Variants in BRINP1 observed in about 807,000 individuals in gnomAD.
BRINP1 encodes the protein BMP/retinoic acid inducible neural specific 1.
BRINP1 carries 17 observed loss-of-function variants against 72.9 expected under a neutral mutation model. The observed-to-expected ratio is 0.23, with a 90% CI of 0.16 to 0.35. The LOEUF is 0.35. BRINP1 is among the 10% of genes least tolerant of loss of function. The pLI is 1.00. For synonymous variants in BRINP1, 418 were observed against 378.5 expected (o/e 1.10, Z -1.21); for missense variants, 850 against 1,001.6 (o/e 0.85, Z 2.04).
intron 2 of BRINP1, among the ~76,000 whole-genome samples, chr9:119,278,213 C>G (rs574577797): frequency 6.6e-5 from 10 of 152,288 alleles, no homozygotes; most frequent in African/African-American, 2.4e-4. Context: ...TTCAGAACCT[C>G]TGACTTCCTG....
At position 119,238,722 on chromosome 9, in the gene BRINP1, G is replaced by C. The variant is rs2274157; in HGVS notation, c.618C>G (p.Ser206Arg). The C allele has an allele frequency of 1.2e-6, 2 of 1,608,534 alleles. No individual in the cohort carries two copies. The highest frequency in any genetic ancestry group is 1.7e-6 in the Non-Finnish European group (2 of 1,177,180). ...ETRTGPLGCN[S>R]YDNLDSVSSV... The stretch of plus-strand genomic sequence containing the variant: ...AACTCACAGAGTCCAGATTGTCATA[G>C]CTGTTACAGCCCAGAGGCCCAGTGC... The change falls in exon 5 of 8, where the codon AGC becomes AGG. Residue 206 changes from serine to arginine, a missense_variant. Physicochemically the swap from Ser to Arg is moderately radical, Grantham distance 110. Coordinates refer to ENST00000265922, the MANE Select transcript of BRINP1 (RefSeq NM_014618.3).
At position 119,270,273 on chromosome 9, in the gene BRINP1, T is replaced by C. The variant is rs548324773; in HGVS notation, c.219-21123A>G. Among the ~76,000 whole-genome samples the C allele has an allele frequency of 2.6e-4, 39 of 152,278 alleles. 1 individual carries two copies. The South Asian group carries it at 7.9e-3, about 31-fold the overall frequency. ...ACTGTAAAGATGTTGGGTTTTGCTA[T>C]GAAATAAATGGAAGCCATTTGCAGG... is the stretch of plus-strand genomic sequence containing the variant. On this transcript the variant is annotated intron_variant, in intron 2 of 7. Transcript: ENST00000265922.
intron 2 of BRINP1, among the ~76,000 whole-genome samples, chr9:119,262,312 A>G (rs1478286826): frequency 6.6e-6 from 1 of 152,020 alleles, no homozygotes; most frequent in Non-Finnish European, 1.5e-5. Context: ...CTGTATTTTA[A>G]GCAAGATTCT....
chr9:119,312,584 A>G (rs1243536472), intron 2 of BRINP1, among the ~76,000 whole-genome samples: 2 of 152,220 alleles, frequency 1.3e-5, no homozygotes, highest in East Asian at 3.8e-4. Flanking sequence ...ACGGTCCAAG[A>G]ACCAGTACAG....
chr9:119,254,391 AG>A (rs1830424780), intron 2 of BRINP1, among the ~76,000 whole-genome samples: 1 of 152,164 alleles, frequency 6.6e-6, no homozygotes, highest in Admixed American at 6.5e-5. Flanking sequence ...GAAGGAAATG[AG>A]GGAGGGACCA....
intron 2 of BRINP1, among the ~76,000 whole-genome samples, chr9:119,278,812 C>T (rs1298106172): frequency 6.6e-6 from 1 of 152,092 alleles, no homozygotes; most frequent in Admixed American, 6.6e-5. Flanking sequence ...GGCTTGAATC[C>T]AGGAGGCAGA....
Position 119,167,796 on chromosome 9 carries a change from G to A in BRINP1, c.1574C>T (p.Ser525Phe). The A allele has an allele frequency of 3.7e-6, 6 of 1,613,924 alleles. No individual in the cohort carries two copies. The highest frequency in any genetic ancestry group is 5.1e-6 in the Non-Finnish European group (6 of 1,179,986). ...GTTCTTGTTGCTCTTGAGAGTGAGG[G>A]ACATGCGCTTGCGCCACCGAGGGTC... ...FFDPRWRKRM[S>F]LTLKSNKNRM... Residue 525 changes from serine to phenylalanine, a missense_variant, in exon 8 of 8, where the codon TCC becomes TTC. Ser to Phe is a radical substitution (Grantham distance 155, BLOSUM62 -2). Coordinates refer to ENST00000265922, the MANE Select transcript of BRINP1 (RefSeq NM_014618.3). The surrounding 1 kb of genome is among the most constrained non-coding windows in gnomAD (Gnocchi z 4.3).
intron 7 of BRINP1, among the ~76,000 whole-genome samples, chr9:119,203,889 G>A (rs571495444): frequency 6.6e-6 from 1 of 152,032 alleles, no homozygotes; most frequent in East Asian, 1.9e-4. Context: ...TATGTCCCCT[G>A]CCCCCATAAT....
chr9:119,209,042 C>A, intron 6 of BRINP1, 101 bp from the exon 7 acceptor site: 1 of 949,964 alleles, frequency 1.1e-6, no homozygotes, highest in Non-Finnish European at 1.6e-6. Flanking sequence ...ACCAGGCCTG[C>A]AAACATAATT....
intron 1 of BRINP1, among the ~76,000 whole-genome samples, chr9:119,359,563 G>A (rs188563966): frequency 6.6e-6 from 1 of 152,300 alleles, no homozygotes; most frequent in Admixed American, 6.5e-5. Context: ...GAAACATCAG[G>A]TAATGTGTTC....
At chr9:119,171,467 C>G (rs898568146) in intron 7 of BRINP1, among the ~76,000 whole-genome samples, 1 of 150,272 alleles carries the variant, frequency 6.7e-6, no homozygotes, top group Non-Finnish European at 1.5e-5. Flanking sequence ...TACAGGAGCA[C>G]CCAGATTCAT....
At chr9:119,342,906 TCTATTA>T (rs1831418654) in intron 1 of BRINP1, among the ~76,000 whole-genome samples, 1 of 152,202 alleles carries the variant, frequency 6.6e-6, no homozygotes, top group East Asian at 1.9e-4. Flanking sequence ...TCCTAGGTGT[TCTATTA>T]TAATATTAAA....
chr9:119,250,780 C>T (rs1317736548), intron 2 of BRINP1, among the ~76,000 whole-genome samples: 1 of 152,176 alleles, frequency 6.6e-6, no homozygotes, highest in Non-Finnish European at 1.5e-5. Context: ...ATGACCAGCT[C>T]TCCGACCTGC....
At chr9:119,365,728 C>T (rs1233693492) in intron 1 of BRINP1, among the ~76,000 whole-genome samples, 1 of 152,066 alleles carries the variant, frequency 6.6e-6, no homozygotes. Context: ...TTGCCTGTAC[C>T]AGCGGCAAAG....
chr9:119,184,150 G>A (rs1427170453), intron 7 of BRINP1, among the ~76,000 whole-genome samples: 1 of 152,090 alleles, frequency 6.6e-6, no homozygotes, highest in Non-Finnish European at 1.5e-5. Flanking sequence ...TTCTTGCCTT[G>A]CATCAGCCAA....
chr9:119,273,968 C>T (rs895576259), intron 2 of BRINP1, among the ~76,000 whole-genome samples: 3 of 152,144 alleles, frequency 2.0e-5, no homozygotes, highest in Admixed American at 1.3e-4. Flanking sequence ...TCTGTATTTT[C>T]AGAACCTGGC....
intron 5 of BRINP1, among the ~76,000 whole-genome samples, chr9:119,233,325 C>T (rs1830164319): frequency 6.6e-6 from 1 of 151,950 alleles, no homozygotes; most frequent in Non-Finnish European, 1.5e-5. Flanking sequence ...TTATTTATGC[C>T]TTCTTCATGG....
chr9:119,224,274 T>C (rs1260410014), intron 5 of BRINP1, among the ~76,000 whole-genome samples: 3 of 152,120 alleles, frequency 2.0e-5, no homozygotes, highest in Non-Finnish European at 4.4e-5. Context: ...CTAACTTTTA[T>C]AATAGTAGAG....
chr9:119,277,157 A>C (rs1830665233), intron 2 of BRINP1, among the ~76,000 whole-genome samples: 1 of 152,186 alleles, frequency 6.6e-6, no homozygotes, highest in Non-Finnish European at 1.5e-5. Context: ...CATTCATTTT[A>C]TAGTAGCCTA....
Sources: gnomAD v4.1 joint callset for allele counts (sites outside exome capture counted in the v4.1 genomes callset) on GRCh38, gnomAD v4.1.1 for gene constraint, Gnocchi (gnomAD v3.1) non-coding constraint, MANE v1.5 for transcripts, NCBI Gene and HGNC (gene_info 2026-07-23, HGNC 2026-07-21) for gene names.